Variants in EPHX4 observed in about 807,000 individuals in gnomAD.
EPHX4 encodes epoxide hydrolase 4.
A neutral mutation model predicts 44.9 loss-of-function variants in EPHX4; 31 were observed. The ratio of observed to expected loss-of-function variants is 0.69; its 90% CI spans 0.52 to 0.93. The LOEUF (loss-of-function observed/expected upper bound fraction) is 0.93. Ranked by LOEUF, EPHX4 falls within the 40% of genes least tolerant of loss-of-function variation. EPHX4 has a pLI of 0.00. For missense variants in EPHX4, 373 were observed against 438.1 expected, an observed-to-expected ratio of 0.85 and a Z score of 1.33; for synonymous variants, 151 against 159.7, an observed-to-expected ratio of 0.95 and a Z score of 0.41.
At chr1:92,038,314 G>A (rs750576999) in intron 2 of EPHX4, among the ~76,000 whole-genome samples, 6 of 152,048 alleles carry the variant, frequency 3.9e-5, no homozygotes, top group Non-Finnish European at 7.4e-5. Context: ...TTGAAACAAC[G>A]TGCAGTTCAA....
intron 2 of EPHX4, among the ~76,000 whole-genome samples, chr1:92,040,801 T>G (rs1163368427): frequency 6.6e-6 from 1 of 152,110 alleles, no homozygotes; most frequent in African/African-American, 2.4e-5. Context: ...TCACTTCACA[T>G]CGCAGCCCCC....
chr1:92,050,726 G>A lies in EPHX4; in HGVS notation c.708+306G>A, dbSNP rs989875978. On this transcript the variant is annotated intron_variant, in intron 5 of 6. Coordinates refer to ENST00000370383, the MANE Select transcript of EPHX4 (RefSeq NM_173567.5). ...ATAGCAGCAGAAGTAGAAGACTTCG[G>A]GGTTAAAAAAAAAAAGCCCTAAACA... Among the ~76,000 whole-genome samples, 7 of 151,752 alleles carry A rather than the reference G, an allele frequency of 4.6e-5. No homozygotes were observed. In the East Asian group the frequency reaches 1.2e-3, roughly 25 times the overall value.
intron 6 of EPHX4, among the ~76,000 whole-genome samples, chr1:92,061,323 A>C: frequency 6.6e-6 from 1 of 152,212 alleles, no homozygotes; most frequent in East Asian, 1.9e-4. Context: ...CATGGTGGGC[A>C]TGTGTAATAT....
At position 92,032,573 on chromosome 1, in the gene EPHX4, T is replaced by C. The variant is rs1255318237; in HGVS notation, c.300T>C (p.His100=). ...ERGKPLMLLL[H]GFPEFWYSWR... is the part of the protein sequence containing the mutation. ...GCAAACCACTTATGCTGCTGCTTCA[T>C]GGATTTCCAGAATTCTGGTAAGCTT... The change falls in exon 2 of 7, where the codon CAT becomes CAC. Residue 100 remains histidine (H), a synonymous_variant. Transcript: ENST00000370383. 1.2e-6 allele frequency: 2 copies of C among 1,613,934 alleles called. No individual in the cohort carries two copies. Among genetic ancestry groups the C allele is most frequent in the Non-Finnish European group, 1.7e-6 (2 of 1,179,934 alleles).
intron 3 of EPHX4, 146 bp from the exon 4 acceptor site, chr1:92,045,386 C>A (rs1340791635): frequency 7.4e-6 from 7 of 950,538 alleles, no homozygotes; most frequent in Admixed American, 2.7e-5. Context: ...AGTTTTGGAA[C>A]CACTGAATTC....
chr1:92,057,165 CAAAT>C (rs1647386420), intron 6 of EPHX4, among the ~76,000 whole-genome samples: 1 of 151,718 alleles, frequency 6.6e-6, no homozygotes, highest in Non-Finnish European at 1.5e-5. Flanking sequence ...AATTAGAAGA[CAAAT>C]AATTTAAATT....
chr1:92,047,471 A>G lies in EPHX4; in HGVS notation c.604+1811A>G, dbSNP rs180972700. Reference sequence around the variant, plus strand: ...TGTAGAAGTGCTTTTCCTTGGGACAATCATTGTATTTGTGTTGTCTTGAGA... The same window carrying G: ...TGTAGAAGTGCTTTTCCTTGGGACAGTCATTGTATTTGTGTTGTCTTGAGA... On this transcript the variant is annotated intron_variant, in intron 4 of 6. Coordinates refer to ENST00000370383, the MANE Select transcript of EPHX4 (RefSeq NM_173567.5). Among the ~76,000 whole-genome samples, 72 of 152,198 alleles carry G rather than the reference A, an allele frequency of 4.7e-4. No individual in the cohort carries two copies. In the East Asian group the frequency reaches 0.011, roughly 23 times the overall value.
At position 92,063,292 on chromosome 1, in the gene EPHX4, C is replaced by A; in HGVS notation, c.*6C>A. Reference sequence around the variant, plus strand: ...AAACAAGAAAAAAAGATTGACTTTTCTTTATCTTCTATGAAGGGTCTGTAA... The same window carrying A: ...AAACAAGAAAAAAAGATTGACTTTTATTTATCTTCTATGAAGGGTCTGTAA... On this transcript the variant is annotated 3_prime_UTR_variant, in exon 7 of 7. Coordinates refer to ENST00000370383, the MANE Select transcript of EPHX4 (RefSeq NM_173567.5). 2 of 1,569,482 alleles carry A rather than the reference C, an allele frequency of 1.3e-6. No individual in the cohort carries two copies. The highest frequency in any genetic ancestry group is 1.7e-6 in the Non-Finnish European group (2 of 1,151,984).
Position 92,030,166 on chromosome 1 carries a change from G to T in EPHX4, c.87G>T (p.Gly29=), listed in dbSNP as rs1688336010. 3 of 1,612,406 alleles carry T rather than the reference G, an allele frequency of 1.9e-6. No homozygotes were observed. The highest frequency in any genetic ancestry group is 1.3e-5 in the African/African-American group (1 of 74,850). The change falls in exon 1 of 7, where the codon GGG becomes GGT. Residue 29 remains glycine (G), a synonymous_variant. Transcript: ENST00000370383. Reference sequence around the variant, plus strand: ...GGTCCCTGGTCTACTGCTACTGCGGGCTCTGCGCCTCCATCCACCTGCTCA... The same window carrying T: ...GGTCCCTGGTCTACTGCTACTGCGGTCTCTGCGCCTCCATCCACCTGCTCA... ...LFWSLVYCYC[G]LCASIHLLKL...
intron 2 of EPHX4, among the ~76,000 whole-genome samples, chr1:92,038,290 G>A (rs539844042): frequency 2.0e-5 from 3 of 152,162 alleles, no homozygotes; most frequent in African/African-American, 4.8e-5. Flanking sequence ...ATGAAGACAC[G>A]GACCCTTAAG....
chr1:92,054,195 A>G (rs1647316208), intron 6 of EPHX4, among the ~76,000 whole-genome samples: 2 of 152,236 alleles, frequency 1.3e-5, no homozygotes, highest in Admixed American at 1.3e-4. Context: ...AACATTCCCC[A>G]GGAAGCCTGG....
intron 2 of EPHX4, among the ~76,000 whole-genome samples, chr1:92,036,111 A>G (rs1409826018): frequency 6.6e-6 from 1 of 152,246 alleles, no homozygotes; most frequent in African/African-American, 2.4e-5. Flanking sequence ...AAATTCATGC[A>G]TCGGAGAGAT....
chr1:92,041,545 TTTACTTATG>T (rs1688508653), intron 2 of EPHX4, among the ~76,000 whole-genome samples: 1 of 152,146 alleles, frequency 6.6e-6, no homozygotes, highest in Non-Finnish European at 1.5e-5. Context: ...ACAGAAGCAT[TTTACTTATG>T]TTACTCCACT....
intron 6 of EPHX4, among the ~76,000 whole-genome samples, chr1:92,054,243 A>G (rs1014618254): frequency 1.6e-4 from 25 of 152,300 alleles, no homozygotes; most frequent in African/African-American, 5.5e-4. Flanking sequence ...ATACATCTCA[A>G]TTCAGGCCTC....
At position 92,063,436 on chromosome 1, in the gene EPHX4, A is replaced by G; in HGVS notation, c.*150A>G. 1.7e-6 allele frequency: 1 copy of G among 602,400 alleles called. No individual in the cohort carries two copies. Among genetic ancestry groups the G allele is most frequent in the Non-Finnish European group, 2.8e-6 (1 of 359,330 alleles). The allele number at this position is 602,400 out of a possible 1,614,324, so 37.3% of individuals were successfully genotyped here. A position where few individuals can be genotyped will look rare whatever the true frequency, so the allele number is the denominator to read the frequency against. ...ATCCTGACAAATGGTATTGAAAAAA[A>G]TCTGAGATCATGTGAACATATAATA... On this transcript the variant is annotated 3_prime_UTR_variant, in exon 7 of 7. Transcript: ENST00000370383.
At chr1:92,059,190 C>T (rs1478849631) in intron 6 of EPHX4, among the ~76,000 whole-genome samples, 24 of 152,214 alleles carry the variant, frequency 1.6e-4, no homozygotes, top group Non-Finnish European at 4.4e-5. Flanking sequence ...AACCCCAGCA[C>T]TTTGGGAGGC....
rs1366324070 is a variant in EPHX4 at position 92,063,472 on chromosome 1, T to A, written c.*186T>A. ...TGTGAACATATAATACAATGTTGAT[T>A]TTCTTCTGGTGTATTTTGCACAGAC... On this transcript the variant is annotated 3_prime_UTR_variant, in exon 7 of 7. Coordinates refer to ENST00000370383, the MANE Select transcript of EPHX4 (RefSeq NM_173567.5). 1 of 478,158 alleles carries A rather than the reference T, an allele frequency of 2.1e-6. No homozygotes were observed. Among genetic ancestry groups the A allele is most frequent in the East Asian group, 3.4e-5 (1 of 29,588 alleles). 29.6% of individuals were successfully genotyped at this position (478,158 alleles called of 1,614,324 possible).
At chr1:92,034,571 A>C (rs1688409605) in intron 2 of EPHX4, among the ~76,000 whole-genome samples, 2 of 151,976 alleles carry the variant, frequency 1.3e-5, no homozygotes, top group South Asian at 4.2e-4. Flanking sequence ...TTAGAGTCTT[A>C]AAGATTTTAT....
chr1:92,040,176 A>ATTTTTTT (rs10646888), intron 2 of EPHX4, among the ~76,000 whole-genome samples: 7 of 112,138 alleles, frequency 6.2e-5, no homozygotes, highest in Non-Finnish European at 1.0e-4. Context: ...TGTTACAATG[A>ATTTTTTT]TTTTTTTTTT....
Sources: gnomAD v4.1 joint callset for allele counts (sites outside exome capture counted in the v4.1 genomes callset) on GRCh38, gnomAD v4.1.1 for gene constraint, MANE v1.5 for transcripts, NCBI Gene and HGNC (gene_info 2026-07-23, HGNC 2026-07-21) for gene names.